PTPRH: variants seen among roughly 807,000 people sequenced by gnomAD.
PTPRH encodes protein tyrosine phosphatase receptor type H, also known as receptor-type tyrosine-protein phosphatase H.
PTPRH carries 113 observed loss-of-function variants against 130.2 expected under a neutral mutation model. That is an observed-to-expected ratio of 0.87 (90% CI 0.75 to 1.01). The LOEUF (loss-of-function observed/expected upper bound fraction) is 1.01, where lower values mean the gene tolerates loss of function less well. Ranked by LOEUF, PTPRH falls within the 50% of genes least tolerant of loss-of-function variation. The probability of loss-of-function intolerance (pLI) is 0.00; values close to 1 mark genes in which losing one functional copy is unlikely to be tolerated. For synonymous variants in PTPRH, 556 were observed against 577.9 expected (o/e 0.96, Z 0.54); for missense variants, 1,430 against 1,425.0 (o/e 1.00, Z -0.06).
chr19:55,189,754 A>G (rs1489090569), intron 12 of PTPRH: 4 of 455,202 alleles, frequency 8.8e-6, no homozygotes, highest in South Asian at 4.7e-5. Flanking sequence ...GCCGAGGTGG[A>G]AGGGCTGCTT....
In PTPRH at chr19:55,209,308, C is replaced by T. The variant is rs1224902004; in HGVS notation, c.51+75G>A. On this transcript the variant is annotated intron_variant, in intron 1 of 19. Transcript: ENST00000376350. This position sits in a 1 kb window ranked among gnomAD's most constrained non-coding sequence, Gnocchi z 4.1. ...CACCTACTTCCTCAAGATCGAGGTG[C>T]AGGCACCCAGCTCCTTCTCCCTCAG... 3.1e-6 allele frequency: 4 copies of T among 1,298,564 alleles called. No individual in the cohort carries two copies. The highest frequency in any genetic ancestry group is 1.5e-5 in the African/African-American group (1 of 68,110). The allele number at this position is 1,298,564 out of a possible 1,614,324, so 80.4% of individuals were successfully genotyped here.
rs991896150 is a variant in PTPRH at position 55,199,030 on chromosome 19, C to A, written c.1421-118G>T. ...CATCCAGAAACACTTCCTGGCAGGG[C>A]ACAGTGGCTCAGGCCTGTAATCCCA... On this transcript the variant is annotated intron_variant, in intron 7 of 19. Coordinates refer to ENST00000376350, the MANE Select transcript of PTPRH (RefSeq NM_002842.5). 3.8e-6 allele frequency: 4 copies of A among 1,042,430 alleles called. No homozygotes were observed. The African/African-American group carries it at 6.6e-5, about 17-fold the overall frequency. 64.6% of individuals were successfully genotyped at this position (1,042,430 alleles called of 1,614,324 possible). A position where few individuals can be genotyped will look rare whatever the true frequency, so the allele number is the denominator to read the frequency against.
chr19:55,187,483 G>A (rs1208562190), intron 14 of PTPRH, 30 bp downstream of exon 14: 2 of 1,581,560 alleles, frequency 1.3e-6, no homozygotes, highest in African/African-American at 1.4e-5. Context: ...ATCAGGGCTG[G>A]GACAAAAGCA....
intron 7 of PTPRH, among the ~76,000 whole-genome samples, chr19:55,199,522 T>C (rs1437911839): frequency 2.6e-5 from 4 of 152,026 alleles, no homozygotes; most frequent in Non-Finnish European, 4.4e-5. Flanking sequence ...GGAGAATTGC[T>C]TGAGCCCAGG....
rs1157310468 is a variant in PTPRH at position 55,206,857 on chromosome 19, T to A, written c.184A>T (p.Asn62Tyr). 1.2e-6 allele frequency: 2 copies of A among 1,614,170 alleles called. No individual in the cohort carries two copies. The highest frequency in any genetic ancestry group is 1.1e-5 in the South Asian group (1 of 91,076). Residue 62 changes from asparagine (N) to tyrosine (Y), a missense_variant, in exon 3 of 20, where the codon AAC becomes TAC. By Grantham distance (143) the Asn-to-Tyr change is moderately radical. Transcript: ENST00000376350. ...TCTCCAGTACACTGAACCCAGTAGT[T>A]GGAGTTCTGTGAGTCTAGGCCATCG... ...VPDGLDSQNSNYWVQCTGDGG... is the reference protein window; with the variant it reads ...VPDGLDSQNSYYWVQCTGDGG...
intron 8 of PTPRH, among the ~76,000 whole-genome samples, chr19:55,197,776 C>G (rs1303124556): frequency 6.6e-6 from 1 of 152,198 alleles, no homozygotes; most frequent in Non-Finnish European, 1.5e-5. Flanking sequence ...TCCTCCACCT[C>G]TCATGGCCCT....
chr19:55,198,776 G>A lies in PTPRH; in HGVS notation c.1557C>T (p.Asp519=), dbSNP rs1296528981. 6.2e-7 allele frequency: 1 copy of A among 1,613,908 alleles called. No homozygotes were observed. Among genetic ancestry groups the A allele is most frequent in the Non-Finnish European group, 8.5e-7 (1 of 1,179,968 alleles). The change falls in exon 8 of 20, where the codon GAC becomes GAT. Residue 519 remains aspartate, a synonymous_variant. Coordinates refer to ENST00000376350, the MANE Select transcript of PTPRH (RefSeq NM_002842.5). ...TACCTGAGGTGCTTTGGGTCCTGGG[G>A]TCAGTCATGCCTTCCCTGACCCATG... ...WVSWVREGMT[D]PRTQSTSGTD... is the part of the protein sequence containing the mutation.
Position 55,181,874 on chromosome 19 carries a change from G to T in PTPRH, c.3228C>A (p.Ile1076=). 1 of 1,614,194 alleles carries T rather than the reference G, an allele frequency of 6.2e-7. No homozygotes were observed. The highest frequency in any genetic ancestry group is 1.1e-5 in the South Asian group (1 of 91,082). ...GGGCTGACTGTTGGAGGAACCGCAG[G>T]ATGCACTGATGCAGGAATACGTACT... ...EAQYVFLHQC[I]LRFLQQSAQA... The change falls in exon 20 of 20, where the codon ATC becomes ATA. Residue 1076 remains isoleucine (I), a synonymous_variant. Transcript: ENST00000376350.
intron 5 of PTPRH, among the ~76,000 whole-genome samples, 155 bp downstream of exon 5, chr19:55,203,627 T>C (rs1369657644): frequency 6.6e-6 from 1 of 152,066 alleles, no homozygotes; most frequent in Non-Finnish European, 1.5e-5. Context: ...TTTGTACTTA[T>C]TTTTATGTGG....
rs1016231126 is a variant in PTPRH, at chr19:55,185,630, T to C, written c.2934A>G (p.Gln978=). The change falls in exon 18 of 20, where the codon CAA becomes CAG. Residue 978 remains glutamine, a synonymous_variant. Transcript: ENST00000376350. ...GATCCGGCCAGGCCTGGTAGTGGAATTGGCGCACAGACAGTGTCTTCTGCT... is the reference window on the plus strand; with the variant it reads ...GATCCGGCCAGGCCTGGTAGTGGAACTGGCGCACAGACAGTGTCTTCTGCT... The part of the protein sequence containing the change: ...VEEQKTLSVR[Q]FHYQAWPDHG... 1.2e-6 allele frequency: 2 copies of C among 1,614,116 alleles called. No homozygotes were observed. The highest frequency in any genetic ancestry group is 1.7e-6 in the Non-Finnish European group (2 of 1,180,014).
At chr19:55,193,877 T>C (rs1243118329) in intron 10 of PTPRH, 1 of 189,298 alleles carries the variant, frequency 5.3e-6, no homozygotes, top group East Asian at 1.7e-4. Context: ...AGACGGAGTT[T>C]TGCTCTTCTT....
rs1033381038 is a variant in PTPRH, at chr19:55,182,122, A to G, written c.3092T>C (p.Ile1031Thr). 1.2e-6 allele frequency: 2 copies of G among 1,613,904 alleles called. No individual in the cohort carries two copies. Among genetic ancestry groups the G allele is most frequent in the Non-Finnish European group, 8.5e-7 (1 of 1,180,036 alleles). ...SAGVGRTGTL[I>T]ALDVLLRQLQ... ...CTGCCGGAGCAGGACGTCCAGGGCA[A>G]TGAGGGTTCCTGTGCGACCCACGCC... The change falls in exon 19 of 20, where the codon ATT becomes ACT. Residue 1031 changes from isoleucine to threonine, a missense_variant. By Grantham distance (89) the Ile-to-Thr change is moderately conservative. Coordinates refer to ENST00000376350, the MANE Select transcript of PTPRH (RefSeq NM_002842.5).
At chr19:55,195,054 G>A (rs1481051667) in intron 10 of PTPRH, among the ~76,000 whole-genome samples, 2 of 152,182 alleles carry the variant, frequency 1.3e-5, no homozygotes, top group East Asian at 3.8e-4. Flanking sequence ...GCTGGGCATG[G>A]TGGCTCATGC....
chr19:55,187,981 T>A, intron 13 of PTPRH, 97 bp downstream of exon 13: 1 of 759,928 alleles, frequency 1.3e-6, no homozygotes, highest in African/African-American at 1.9e-5. Flanking sequence ...CTACTTTTGC[T>A]TAATCCCGAA....
At chr19:55,192,753 G>A (rs967099619) in intron 10 of PTPRH, among the ~76,000 whole-genome samples, 6 of 151,452 alleles carry the variant, frequency 4.0e-5, no homozygotes, top group Admixed American at 1.3e-4. Flanking sequence ...GGGTTTCACC[G>A]TGTTAGCCAG....
At chr19:55,193,827 T>C (rs188542725) in intron 10 of PTPRH, among the ~76,000 whole-genome samples, 4 of 150,818 alleles carry the variant, frequency 2.7e-5, no homozygotes, top group Admixed American at 2.0e-4. Context: ...CCTACCCAGA[T>C]CTGGTGGTGT....
At chr19:55,203,429 T>A (rs779101722) in intron 5 of PTPRH, among the ~76,000 whole-genome samples, 1 of 151,704 alleles carries the variant, frequency 6.6e-6, no homozygotes, top group Non-Finnish European at 1.5e-5. Flanking sequence ...CCTTCTTTCT[T>A]TTTTGAGACA....
At chr19:55,185,828 G>A in intron 17 of PTPRH, 34 bp downstream of exon 17, 1 of 1,613,962 alleles carries the variant, frequency 6.2e-7, no homozygotes, top group Non-Finnish European at 8.5e-7. Context: ...CACAGGGGAA[G>A]GCTGAGGGCC....
At chr19:55,186,154 G>C (rs532729430) in intron 16 of PTPRH, 71 bp downstream of exon 16, 4 of 1,573,540 alleles carry the variant, frequency 2.5e-6, no homozygotes, top group Non-Finnish European at 3.5e-6. Context: ...TCTGGGTGTG[G>C]GGTCTACATT....
Sources: allele counts gnomAD v4.1 joint callset (sites outside exome capture counted in the v4.1 genomes callset), GRCh38; gene constraint gnomAD v4.1.1; non-coding constraint Gnocchi (gnomAD v3.1); transcripts MANE v1.5; gene names NCBI Gene and HGNC (gene_info 2026-07-23, HGNC 2026-07-21).